STAG2: variants seen among roughly 807,000 people sequenced by gnomAD.
The protein encoded by STAG2 is cohesin subunit SA-2.
A neutral mutation model predicts 108.1 loss-of-function variants in STAG2; 14 were observed. The observed-to-expected ratio is 0.13, with a 90% confidence interval of 0.09 to 0.20. The LOEUF (loss-of-function observed/expected upper bound fraction) is 0.20. Ranked by LOEUF, STAG2 falls within the 10% of genes least tolerant of loss-of-function variation. The pLI is 1.00. For missense variants in STAG2, 440 were observed against 940.9 expected, an observed-to-expected ratio of 0.47 and a Z score of 6.96; for synonymous variants, 307 against 302.7, an observed-to-expected ratio of 1.01 and a Z score of -0.15.
At chrX:124,064,660 T>A (rs2058472931) in intron 20 of STAG2, among the ~76,000 whole-genome samples, 1 of 110,818 alleles carries the variant, frequency 9.0e-6, no homozygotes, top group South Asian at 3.8e-4. Context: ...GCCAGGCTGG[T>A]CTCGAATTCC....
At chrX:124,005,480 A>C (rs1007485936) in intron 1 of STAG2, among the ~76,000 whole-genome samples, 1 of 110,685 alleles carries the variant, frequency 9.0e-6, no homozygotes, top group East Asian at 2.8e-4. Flanking sequence ...TCCTTCCTCT[A>C]TTTGGTTTCT....
chrX:124,090,515 A>G (rs1384046468), intron 30 of STAG2, 60 bp from the exon 31 acceptor site: 3 of 973,906 alleles, frequency 3.1e-6, no homozygotes, highest in Non-Finnish European at 4.3e-6. Flanking sequence ...AACAGGTTGT[A>G]TTAGACATCT....
chrX:124,040,839 C>T (rs1363471833), intron 6 of STAG2, among the ~76,000 whole-genome samples: 3 of 99,560 alleles, frequency 3.0e-5, no homozygotes, highest in Admixed American at 1.1e-4. Flanking sequence ...AGTGTTTTCT[C>T]TTCTCCTCTT....
intron 15 of STAG2, among the ~76,000 whole-genome samples, chrX:124,059,088 G>C (rs113700363): frequency 9.0e-6 from 1 of 111,049 alleles, no homozygotes; most frequent in African/African-American, 3.3e-5. Context: ...AGGCTGAGGC[G>C]GGTGGATCAC....
intron 23 of STAG2, among the ~76,000 whole-genome samples, chrX:124,067,451 A>G (rs2058565486): frequency 9.1e-6 from 1 of 110,304 alleles, no homozygotes; most frequent in Non-Finnish European, 1.9e-5. Context: ...CATTTTTAGT[A>G]GACATGGAGT....
rs2058386113 is a variant in STAG2 at position 124,061,756 on chromosome X, T to A, written c.1535-15T>A. 2.2e-6 allele frequency: 2 copies of A among 896,539 alleles called. No homozygotes were observed. Among genetic ancestry groups the A allele is most frequent in the Admixed American group, 4.5e-5 (1 of 22,394 alleles). The allele number at this position is 896,539 out of a possible 1,213,427, so 73.9% of individuals were successfully genotyped here. A position where few individuals can be genotyped will look rare whatever the true frequency, so the allele number is the denominator to read the frequency against. On this transcript the variant is annotated splice_polypyrimidine_tract_variant and intron_variant, in intron 16 of 34. Coordinates refer to ENST00000371145, the MANE Select transcript of STAG2 (RefSeq NM_001042750.2). ...AACTCTTTCTGACTTTTTTTTTTTT[T>A]TTTTTTTTTTTTAGCACTAACAGAT...
At chrX:123,977,451 T>C (rs79050686) in intron 1 of STAG2, among the ~76,000 whole-genome samples, 3,618 of 111,023 alleles carry the variant, frequency 0.033, 62 homozygotes, top group Non-Finnish European at 0.047. Context: ...GCTGTTTTTT[T>C]TCCCCCCCTC....
chrX:124,099,407 C>CA (rs2059458788), intron 34 of STAG2, among the ~76,000 whole-genome samples: 1 of 111,158 alleles, frequency 9.0e-6, no homozygotes, highest in Non-Finnish European at 1.9e-5. Flanking sequence ...TCTAACCACC[C>CA]AAACTCTGAC....
chrX:123,969,967 T>TTTG lies in STAG2; in HGVS notation c.-163+8113_-163+8114insGTT, dbSNP rs1556423701. ...CGGTCTTCCTGTTTTTTTTTTTTTT[T>TTTG]TTTTTTTTTTTTAATTGTAACTGAA... On this transcript the variant is annotated intron_variant, in intron 1 of 34. Transcript: ENST00000371145. Among the ~76,000 whole-genome samples the TTTG allele has an allele frequency of 4.9e-5, 5 of 102,230 alleles. No individual in the cohort carries two copies. The East Asian group carries it at 1.5e-3, about 30-fold the overall frequency. 88.8% of individuals were successfully genotyped at this position (102,230 alleles called of 115,157 possible).
intron 1 of STAG2, among the ~76,000 whole-genome samples, chrX:123,993,731 G>A (rs1042072540): frequency 9.0e-6 from 1 of 111,276 alleles, no homozygotes; most frequent in African/African-American, 3.3e-5. Context: ...CCTATATTAG[G>A]GGATTTATGA....
At chrX:124,036,268 G>T (rs770105996) in intron 5 of STAG2, among the ~76,000 whole-genome samples, 9 of 111,566 alleles carry the variant, frequency 8.1e-5, no homozygotes, top group Non-Finnish European at 1.5e-4. Context: ...CTATTTATTG[G>T]TATATAACTT....
intron 1 of STAG2, among the ~76,000 whole-genome samples, chrX:124,020,098 T>G (rs2056874219): frequency 8.9e-6 from 1 of 112,856 alleles, no homozygotes; most frequent in Non-Finnish European, 1.9e-5. Flanking sequence ...TAATTTGGCC[T>G]GGGAATGCTT....
chrX:124,055,526 G>A (rs1408553888), intron 13 of STAG2, among the ~76,000 whole-genome samples: 1 of 112,247 alleles, frequency 8.9e-6, no homozygotes, highest in East Asian at 2.8e-4. Flanking sequence ...ATTTTGTTAG[G>A]CTTATTTTGT....
chrX:124,097,797 C>G, intron 34 of STAG2: 1 of 251,013 alleles, frequency 4.0e-6, no homozygotes, highest in Non-Finnish European at 8.2e-6. Flanking sequence ...TAATTTGATG[C>G]CAGTTCCTTT....
Position 124,056,132 on chromosome X carries a change from A to G in STAG2, c.1201A>G (p.Ser401Gly), listed in dbSNP as rs939454725. The G allele has an allele frequency of 8.4e-7, 1 of 1,194,244 alleles. No individual in the cohort carries two copies. Among genetic ancestry groups the G allele is most frequent in the Non-Finnish European group, 1.1e-6 (1 of 883,108 alleles). Residue 401 changes from serine to glycine, a missense_variant, in exon 14 of 35, where the codon AGT becomes GGT. Ser to Gly is a moderately conservative substitution (Grantham distance 56). Coordinates refer to ENST00000371145, the MANE Select transcript of STAG2 (RefSeq NM_001042750.2). ...CTGTTACTGCTTATTTCTTAGGAGT[A>G]GTGAAGAAGTTCTCACTGCAGAAGA... ...IKLLTLVLQS[S>G]EEVLTAEDCE...
intron 25 of STAG2, among the ~76,000 whole-genome samples, chrX:124,072,065 GT>G (rs774390504): frequency 8.9e-4 from 99 of 111,182 alleles, no homozygotes; most frequent in Non-Finnish European, 1.6e-3. Flanking sequence ...CCAGCCTGGA[GT>G]ACAGTAGCAT....
chrX:124,043,262 G>A (rs1160298797), intron 7 of STAG2, among the ~76,000 whole-genome samples: 1 of 107,406 alleles, frequency 9.3e-6, no homozygotes, highest in African/African-American at 3.4e-5. Context: ...CCAAGTAGCT[G>A]GGATTACAGG....
At chrX:124,027,378 A>T (rs1447153674) in intron 4 of STAG2, among the ~76,000 whole-genome samples, 1 of 112,625 alleles carries the variant, frequency 8.9e-6, no homozygotes, top group Non-Finnish European at 1.9e-5. Context: ...AGAGAGGGAT[A>T]TGAATAGAAA....
chrX:124,057,787 A>C (rs1330364354), intron 14 of STAG2, 79 bp from the exon 15 acceptor site: 9 of 610,746 alleles, frequency 1.5e-5, no homozygotes, highest in Non-Finnish European at 2.2e-5. Context: ...CTTAGATATG[A>C]AATTGAAACA....
Sources: gnomAD v4.1 joint callset for allele counts (sites outside exome capture counted in the v4.1 genomes callset) on GRCh38, gnomAD v4.1.1 for gene constraint, MANE v1.5 for transcripts, NCBI Gene and HGNC (gene_info 2026-07-23, HGNC 2026-07-21) for gene names.